The following EYS variants were observed in gnomAD, a reference collection of about 807,000 sequenced individuals.
EYS encodes the protein protein eyes shut homolog.
A neutral mutation model predicts 282.1 loss-of-function variants in EYS; 250 were observed. The observed-to-expected ratio is 0.89, with a 90% CI of 0.80 to 0.98. The LOEUF (loss-of-function observed/expected upper bound fraction) is 0.98, where lower values mean the gene tolerates loss of function less well. Among genes scored for constraint, EYS ranks in the 50% least tolerant of loss-of-function variants. EYS has a pLI of 0.00. For missense variants in EYS, 4,016 were observed against 3,709.0 expected, an observed-to-expected ratio of 1.08 and a Z score of -2.15; for synonymous variants, 1,355 against 1,282.9, an observed-to-expected ratio of 1.06 and a Z score of -1.20.
intron 30 of EYS, among the ~76,000 whole-genome samples, chr6:64,266,073 T>A (rs1022477831): frequency 9.2e-5 from 14 of 152,112 alleles, no homozygotes; most frequent in African/African-American, 3.4e-4. Flanking sequence ...TCTAATTTTT[T>A]AAGTGTTTAT....
At position 64,000,168 on chromosome 6, in the gene EYS, C is replaced by CCTTT. The variant is rs1768014947; in HGVS notation, c.6726-986_6726-985insAAAG. Reference sequence around the variant, plus strand: ...CTGAGGAGTTTCCCAAGACATGGGACTTTTTTTTTTTTTTTTTTTTTTTTT... The same window carrying CCTTT: ...CTGAGGAGTTTCCCAAGACATGGGACCTTTTTTTTTTTTTTTTTTTTTTTTTTTT... On this transcript the variant is annotated intron_variant, in intron 33 of 42. Coordinates refer to ENST00000503581, the MANE Select transcript of EYS (RefSeq NM_001142800.2). 2.3e-4 allele frequency among the ~76,000 whole-genome samples: 10 copies of CCTTT among 42,734 alleles called. 1 individual carries two copies. The highest frequency in any genetic ancestry group is 7.0e-4 in the African/African-American group (8 of 11,406). 28.0% of individuals were successfully genotyped at this position (42,734 alleles called of 152,430 possible).
intron 21 of EYS, among the ~76,000 whole-genome samples, chr6:64,816,532 C>T (rs761071728): frequency 2.6e-5 from 4 of 151,954 alleles, no homozygotes; most frequent in African/African-American, 9.7e-5. Context: ...TTGCATGAGT[C>T]GTGATAGGCT....
rs1190877024 is a variant in EYS, at chr6:64,326,527, A to T, written c.6079-19445T>A. On this transcript the variant is annotated intron_variant, in intron 29 of 42. Transcript: ENST00000503581. Reference sequence around the variant, plus strand: ...GTTTGGGGCTCAGACTTTCTGGACAAATGTCTGGCTGAGCCAGTTATCACC... The same window carrying T: ...GTTTGGGGCTCAGACTTTCTGGACATATGTCTGGCTGAGCCAGTTATCACC... 2.6e-5 allele frequency among the ~76,000 whole-genome samples: 4 copies of T among 152,184 alleles called. No individual in the cohort carries two copies. In the East Asian group the frequency reaches 7.7e-4, roughly 29 times the overall value.
At chr6:64,480,366 T>C (rs1386368579) in intron 26 of EYS, among the ~76,000 whole-genome samples, 1 of 151,952 alleles carries the variant, frequency 6.6e-6, no homozygotes, top group African/African-American at 2.4e-5. Context: ...ATTTAAAAGA[T>C]GTGCTACCAA....
intron 22 of EYS, among the ~76,000 whole-genome samples, chr6:64,633,542 G>A (rs776517794): frequency 2.0e-5 from 3 of 150,708 alleles, no homozygotes; most frequent in Non-Finnish European, 4.4e-5. Context: ...AAATAAGAAT[G>A]CATTATTTAG....
intron 14 of EYS, among the ~76,000 whole-genome samples, chr6:64,971,065 T>A (rs972654127): frequency 6.6e-6 from 1 of 152,162 alleles, no homozygotes; most frequent in Non-Finnish European, 1.5e-5. Context: ...AAAATCATTA[T>A]ATGATAACTT....
chr6:64,117,328 A>C (rs1582292509), intron 31 of EYS, among the ~76,000 whole-genome samples: 7 of 141,816 alleles, frequency 4.9e-5, no homozygotes, highest in Admixed American at 7.1e-5. Flanking sequence ...GAGAGGAACA[A>C]CCCCCCCCCC....
chr6:65,048,154 C>G (rs1167658361), intron 13 of EYS, among the ~76,000 whole-genome samples: 1 of 151,864 alleles, frequency 6.6e-6, no homozygotes, highest in Non-Finnish European at 1.5e-5. Flanking sequence ...ATAAACAAAT[C>G]TTGCTTTTGT....
intron 5 of EYS, among the ~76,000 whole-genome samples, chr6:65,478,330 T>C (rs1765481955): frequency 6.6e-6 from 1 of 152,122 alleles, no homozygotes; most frequent in Non-Finnish European, 1.5e-5. Context: ...ATAAATTACA[T>C]AAACACCTGA....
At chr6:64,310,084 C>G (rs9451287) in intron 29 of EYS, among the ~76,000 whole-genome samples, 1 of 144,372 alleles carries the variant, frequency 6.9e-6, no homozygotes, top group Non-Finnish European at 1.5e-5. Flanking sequence ...AAAAAAATAA[C>G]AGATGCTGGC....
intron 29 of EYS, among the ~76,000 whole-genome samples, chr6:64,388,265 A>G (rs1381493346): frequency 6.6e-6 from 1 of 152,168 alleles, no homozygotes; most frequent in Non-Finnish European, 1.5e-5. Context: ...ATGTTCTCAC[A>G]TTTTGGTAAT....
chr6:64,848,389 A>G (rs1475553277), intron 19 of EYS, among the ~76,000 whole-genome samples: 1 of 152,132 alleles, frequency 6.6e-6, no homozygotes, highest in African/African-American at 2.4e-5. Context: ...ATAGGTAAAC[A>G]GCAATCATGC....
chr6:65,672,663 T>C (rs574160371), intron 1 of EYS, among the ~76,000 whole-genome samples: 2 of 152,224 alleles, frequency 1.3e-5, no homozygotes, highest in Admixed American at 6.5e-5. Context: ...AATGGAGATA[T>C]ATGAATTACT....
intron 2 of EYS, among the ~76,000 whole-genome samples, chr6:65,575,913 AAAC>A (rs970980362): frequency 1.1e-4 from 16 of 152,220 alleles, no homozygotes; most frequent in East Asian, 3.9e-4. Context: ...AGTTTGATCA[AAAC>A]AACAACAAGT....
chr6:64,853,354 G>A (rs1298554608), intron 19 of EYS, among the ~76,000 whole-genome samples: 1 of 152,064 alleles, frequency 6.6e-6, no homozygotes, highest in African/African-American at 2.4e-5. Flanking sequence ...AAAAGGGAAG[G>A]TGGAAAGTCT....
chr6:64,838,781 G>A (rs1026659705), intron 19 of EYS, among the ~76,000 whole-genome samples: 3 of 151,926 alleles, frequency 2.0e-5, no homozygotes, highest in Admixed American at 1.3e-4. Context: ...TTGTAGAACT[G>A]AAATTCATTC....
chr6:64,287,810 C>T (rs963786873), intron 30 of EYS, among the ~76,000 whole-genome samples: 2 of 152,122 alleles, frequency 1.3e-5, no homozygotes, highest in African/African-American at 2.4e-5. Context: ...CGGCTTTGCT[C>T]GTAGAGAACT....
intron 31 of EYS, among the ~76,000 whole-genome samples, chr6:64,087,679 A>G (rs189467268): frequency 2.0e-5 from 3 of 152,248 alleles, no homozygotes; most frequent in Admixed American, 1.3e-4. Flanking sequence ...GAAAACAAAA[A>G]TCAGAAAAAT....
rs369543474 is a variant in EYS at position 65,163,769 on chromosome 6, C to G, written c.2024-106042G>C. ...GAATAATATTTCTGACACATGAAAG[C>G]TATATAAAGTTCAAATGACATGGTC... On this transcript the variant is annotated intron_variant, in intron 12 of 42. Coordinates refer to ENST00000503581, the MANE Select transcript of EYS (RefSeq NM_001142800.2). 2.7e-3 allele frequency among the ~76,000 whole-genome samples: 407 copies of G among 151,292 alleles called. 3 individuals carry two copies. Among genetic ancestry groups the G allele is most frequent in the South Asian group, 0.02 (96 of 4,822 alleles).
Sources: gnomAD v4.1 joint callset for allele counts (sites outside exome capture counted in the v4.1 genomes callset) on GRCh38, gnomAD v4.1.1 for gene constraint, MANE v1.5 for transcripts, NCBI Gene and HGNC (gene_info 2026-07-23, HGNC 2026-07-21) for gene names.